Variants in DCLK1 observed in about 807,000 individuals in gnomAD.
The protein encoded by DCLK1 is doublecortin like kinase 1.
Under a neutral mutation model 86.2 loss-of-function variants are expected in DCLK1, and 16 were observed. The ratio of observed to expected loss-of-function variants is 0.19; its 90% confidence interval spans 0.13 to 0.28. DCLK1 has a LOEUF of 0.28. Among genes scored for constraint, DCLK1 ranks in the 10% least tolerant of loss-of-function variants. DCLK1 has a pLI of 1.00. For synonymous variants in DCLK1, 369 were observed against 370.5 expected, an observed-to-expected ratio of 1.00 and a Z score of 0.05; for missense variants, 590 against 940.2, an observed-to-expected ratio of 0.63 and a Z score of 4.87.
chr13:35,873,240 G>C (rs536003362), intron 4 of DCLK1, among the ~76,000 whole-genome samples: 10 of 152,026 alleles, frequency 6.6e-5, no homozygotes, highest in Admixed American at 3.3e-4. Flanking sequence ...AGAGGCTGCA[G>C]TGAGCCAAGA....
chr13:35,921,591 C>T (rs1327428126), intron 4 of DCLK1, among the ~76,000 whole-genome samples: 1 of 152,188 alleles, frequency 6.6e-6, no homozygotes, highest in Non-Finnish European at 1.5e-5. Flanking sequence ...CCCTATCTCA[C>T]ATGAGACCTT....
chr13:35,920,309 A>G (rs1006377188), intron 4 of DCLK1, among the ~76,000 whole-genome samples: 3 of 152,208 alleles, frequency 2.0e-5, no homozygotes, highest in Admixed American at 2.0e-4. Flanking sequence ...CAATGCACAT[A>G]GCATCACGGA....
chr13:35,838,689 T>C (rs1239504274), intron 7 of DCLK1, among the ~76,000 whole-genome samples: 4 of 152,210 alleles, frequency 2.6e-5, no homozygotes, highest in African/African-American at 9.7e-5. Context: ...TTAGAGTACA[T>C]CTGTGAGACT....
intron 4 of DCLK1, among the ~76,000 whole-genome samples, chr13:35,905,557 T>C (rs549397304): frequency 1.3e-5 from 2 of 152,296 alleles, no homozygotes; most frequent in South Asian, 4.1e-4. Flanking sequence ...AAGCCACAAC[T>C]CTGAGACTTC....
At position 35,810,838 on chromosome 13, in the gene DCLK1, G is replaced by A; in HGVS notation, c.1685C>T (p.Thr562Ile). Residue 562 changes from threonine (T) to isoleucine (I), a missense_variant, in exon 12 of 17, where the codon ACT becomes ATT. Coordinates refer to ENST00000360631, the MANE Select transcript of DCLK1 (RefSeq NM_001330071.2). ...TAAACATAAGAGAAGCATTTACCCA[G>A]TCTCTGCAATGATTTCTGGAGCCAC... ...TYVAPEIIAE[T>I]GYGLKVDIWA... 6.2e-7 allele frequency: 1 copy of A among 1,613,652 alleles called. No homozygotes were observed.
chr13:35,918,892 G>GTGTTTTTTTTTTTTTTTTTTTTT (rs780502143), intron 4 of DCLK1, among the ~76,000 whole-genome samples: 2 of 76,324 alleles, frequency 2.6e-5, no homozygotes, highest in South Asian at 1.2e-3. Flanking sequence ...TTCTGAGTGT[G>GTGTTTTTTTTTTTTTTTTTTTTT]TTTTTTTTTT....
chr13:36,094,972 T>C (rs1440272121), intron 3 of DCLK1, among the ~76,000 whole-genome samples: 1 of 152,198 alleles, frequency 6.6e-6, no homozygotes, highest in African/African-American at 2.4e-5. Context: ...TCTTCCCTTA[T>C]GCACAAGCAC....
intron 3 of DCLK1, among the ~76,000 whole-genome samples, chr13:36,076,140 G>A (rs1884206906): frequency 6.6e-6 from 1 of 152,152 alleles, no homozygotes; most frequent in Non-Finnish European, 1.5e-5. Context: ...TCAAAAGAAT[G>A]AATAGAAATC....
At chr13:36,002,011 G>A (rs1440802670) in intron 3 of DCLK1, among the ~76,000 whole-genome samples, 6 of 149,702 alleles carry the variant, frequency 4.0e-5, no homozygotes, top group Non-Finnish European at 8.9e-5. Flanking sequence ...TTAGGAGGAT[G>A]ATGAAGTTGG....
intron 3 of DCLK1, among the ~76,000 whole-genome samples, chr13:36,045,985 A>G (rs1208887545): frequency 6.6e-6 from 1 of 152,192 alleles, no homozygotes; most frequent in Non-Finnish European, 1.5e-5. Flanking sequence ...CAATTCTAGG[A>G]AAGAAGACTG....
chr13:35,909,266 C>A (rs1021480640), intron 4 of DCLK1, among the ~76,000 whole-genome samples: 1 of 152,230 alleles, frequency 6.6e-6, no homozygotes, highest in Admixed American at 6.5e-5. Flanking sequence ...CATTTCAACA[C>A]TTACAACTTC....
chr13:35,955,510 C>T (rs1410442498), intron 3 of DCLK1, among the ~76,000 whole-genome samples: 1 of 152,208 alleles, frequency 6.6e-6, no homozygotes. Flanking sequence ...CTCCCAAAGG[C>T]CCGCCTCCTA....
In DCLK1 at chr13:36,119,514, T is replaced by C. The variant is rs183451861; in HGVS notation, c.376+6248A>G. On this transcript the variant is annotated intron_variant, in intron 2 of 16. Coordinates refer to ENST00000360631, the MANE Select transcript of DCLK1 (RefSeq NM_001330071.2). ...GTTACAAAGGGGAAAATTATAACTTTAGAGTGAATATACCTGACAGACACT... is the reference window on the plus strand; with the variant it reads ...GTTACAAAGGGGAAAATTATAACTTCAGAGTGAATATACCTGACAGACACT... Among the ~76,000 whole-genome samples the C allele has an allele frequency of 4.7e-4, 71 of 152,290 alleles. 1 individual carries two copies. The highest frequency in any genetic ancestry group is 1.8e-4 in the Non-Finnish European group (12 of 68,012).
At chr13:36,017,384 T>C (rs764100042) in intron 3 of DCLK1, among the ~76,000 whole-genome samples, 8 of 152,154 alleles carry the variant, frequency 5.3e-5, no homozygotes, top group Non-Finnish European at 1.2e-4. Context: ...GTAACACAAC[T>C]GGGAAAGTCC....
intron 11 of DCLK1, among the ~76,000 whole-genome samples, chr13:35,821,672 GTA>G (rs34181385): frequency 0.54 from 77,301 of 144,466 alleles, 22,792 homozygotes; most frequent in African/African-American, 0.8. Context: ...ATAAATATAT[GTA>G]TATATATATA....
In DCLK1 at chr13:35,787,085, T is replaced by TTA. The variant is rs1432187880; in HGVS notation, c.2058+6279_2058+6280dup. Among the ~76,000 whole-genome samples, 217 of 149,186 alleles carry TTA rather than the reference T, an allele frequency of 1.5e-3. 1 individual carries two copies. The highest frequency in any genetic ancestry group is 3.6e-3 in the Middle Eastern group (1 of 280). On this transcript the variant is annotated intron_variant, in intron 16 of 16. Coordinates refer to ENST00000360631, the MANE Select transcript of DCLK1 (RefSeq NM_001330071.2). Reference sequence around the variant, plus strand: ...TTGGGGCTAAAATCATATATATATATTATATATATATATACACACACATAC... The same window carrying TTA: ...TTGGGGCTAAAATCATATATATATATTATATATATATATATACACACACATAC...
intron 4 of DCLK1, among the ~76,000 whole-genome samples, chr13:35,909,904 T>G (rs747741754): frequency 4.9e-4 from 74 of 152,272 alleles, no homozygotes; most frequent in South Asian, 2.1e-3. Context: ...AAAACAGGCT[T>G]GCTTCTACAG....
chr13:35,850,967 G>A (rs1249919423), intron 6 of DCLK1, among the ~76,000 whole-genome samples: 7 of 152,092 alleles, frequency 4.6e-5, no homozygotes, highest in East Asian at 1.9e-4. Context: ...TGCTGGTTTC[G>A]CCTTATTGGC....
intron 3 of DCLK1, among the ~76,000 whole-genome samples, chr13:36,071,239 A>C (rs1037757955): frequency 6.6e-6 from 1 of 152,162 alleles, no homozygotes; most frequent in Non-Finnish European, 1.5e-5. Context: ...AACTCCAAAA[A>C]TATACTAAGA....
Sources: gnomAD v4.1 joint callset for allele counts (sites outside exome capture counted in the v4.1 genomes callset) on GRCh38, gnomAD v4.1.1 for gene constraint, MANE v1.5 for transcripts, NCBI Gene and HGNC (gene_info 2026-07-23, HGNC 2026-07-21) for gene names.